Variants in PDE4D observed in about 807,000 individuals in gnomAD.
PDE4D encodes 3',5'-cyclic-AMP phosphodiesterase 4D.
In PDE4D, 24 loss-of-function variants were observed where a neutral mutation model predicts 87.4. The observed-to-expected ratio is 0.27, with a 90% CI of 0.20 to 0.39. The LOEUF (loss-of-function observed/expected upper bound fraction) is 0.39, where lower values mean the gene tolerates loss of function less well. Among genes scored for constraint, PDE4D ranks in the 10% least tolerant of loss-of-function variants. PDE4D has a pLI of 1.00. For synonymous variants in PDE4D, 384 were observed against 383.2 expected (o/e 1.00, Z -0.02); for missense variants, 714 against 1,041.0 (o/e 0.69, Z 4.32).
intron 2 of PDE4D, among the ~76,000 whole-genome samples, chr5:60,162,448 C>G (rs1243051016): frequency 1.3e-5 from 2 of 151,976 alleles, no homozygotes; most frequent in African/African-American, 2.4e-5. Context: ...TTGCTTTGAG[C>G]CATTTGCTTT....
chr5:59,238,684 T>G (rs1214001685), intron 1 of PDE4D, among the ~76,000 whole-genome samples: 1 of 152,142 alleles, frequency 6.6e-6, no homozygotes, highest in African/African-American at 2.4e-5. Context: ...TTATCCCTTT[T>G]GAGTACCACA....
intron 1 of PDE4D, chr5:60,430,695 C>A (rs977262772): frequency 3.8e-6 from 1 of 261,574 alleles, no homozygotes; most frequent in Non-Finnish European, 7.1e-6. Context: ...TGCGGCCTTC[C>A]GCAGTGTTTG....
chr5:60,030,415 AGT>A (rs1252616556), intron 2 of PDE4D, among the ~76,000 whole-genome samples: 1 of 152,144 alleles, frequency 6.6e-6, no homozygotes, highest in African/African-American at 2.4e-5. Context: ...GCGCCACTGC[AGT>A]CCGCAGTCCG....
At chr5:59,343,465 T>C (rs1370581870) in intron 1 of PDE4D, among the ~76,000 whole-genome samples, 1 of 152,154 alleles carries the variant, frequency 6.6e-6, no homozygotes, top group Non-Finnish European at 1.5e-5. Flanking sequence ...AAGAACAATG[T>C]TAGCAAAAGG....
chr5:60,460,737 C>T, intron 1 of PDE4D: 1 of 711,648 alleles, frequency 1.4e-6, no homozygotes, highest in Non-Finnish European at 2.4e-6. Context: ...ATTTGGGGGC[C>T]ATGCTGCTAG....
At chr5:59,850,845 A>G (rs1269469187) in intron 1 of PDE4D, among the ~76,000 whole-genome samples, 1 of 152,068 alleles carries the variant, frequency 6.6e-6, no homozygotes, top group Non-Finnish European at 1.5e-5. Flanking sequence ...GGCAGTGGGC[A>G]TGACAGAGAA....
chr5:60,260,410 T>A (rs910036698), intron 1 of PDE4D, among the ~76,000 whole-genome samples: 1 of 152,070 alleles, frequency 6.6e-6, no homozygotes, highest in African/African-American at 2.4e-5. Flanking sequence ...AATCACATAT[T>A]TTGGATATTA....
chr5:59,181,775 T>A (rs1428177129), intron 4 of PDE4D, among the ~76,000 whole-genome samples: 8 of 152,072 alleles, frequency 5.3e-5, no homozygotes. Context: ...AGAACTTGTT[T>A]TAAGTAACGA....
At chr5:59,190,005 C>CA (rs1324393776) in intron 3 of PDE4D, among the ~76,000 whole-genome samples, 15 of 152,128 alleles carry the variant, frequency 9.9e-5, no homozygotes. Context: ...TTAGCCTGGC[C>CA]AAAAAAGTGC....
chr5:58,980,648 C>G (rs1744892411), intron 11 of PDE4D, among the ~76,000 whole-genome samples: 2 of 149,118 alleles, frequency 1.3e-5, no homozygotes, highest in Admixed American at 1.4e-4. Flanking sequence ...GGCAGGAAGA[C>G]CACTTTTGTG....
At chr5:59,278,691 A>C (rs1049447281) in intron 1 of PDE4D, among the ~76,000 whole-genome samples, 2 of 152,092 alleles carry the variant, frequency 1.3e-5, no homozygotes, top group African/African-American at 4.8e-5. Context: ...ACTGAATATA[A>C]AAGGTAACTT....
In PDE4D at chr5:60,180,521, G is replaced by A. The variant is rs146739479; in HGVS notation, c.42+5036C>T. Among the ~76,000 whole-genome samples, 738 of 152,158 alleles carry A rather than the reference G, an allele frequency of 4.9e-3. 6 individuals are homozygous for A. The highest frequency in any genetic ancestry group is 7.6e-3 in the Non-Finnish European group (515 of 67,984). ...AAATGGGATACAGTTAGGTGATCAG[G>A]GTTAGGGAGACAGGGTGGTGAAATA... On this transcript the variant is annotated intron_variant, in intron 2 of 16. Transcript: ENST00000502484.
At chr5:59,006,109 G>A (rs966058633) in intron 6 of PDE4D, among the ~76,000 whole-genome samples, 11 of 152,154 alleles carry the variant, frequency 7.2e-5, no homozygotes, top group African/African-American at 1.9e-4. Context: ...TAATGATGAC[G>A]ACACATTCAG....
rs573481422 is a variant in PDE4D at position 59,044,239 on chromosome 5, A to T, written c.809-5268T>A. On this transcript the variant is annotated intron_variant, in intron 5 of 14. Transcript: ENST00000340635. ...CCTGTTGTTTCCTGACTTTTTAATG[A>T]TTGCCATTCTAACTGGTGTGAGATG... Among the ~76,000 whole-genome samples the T allele has an allele frequency of 5.9e-5, 9 of 152,264 alleles. No homozygotes were observed. In the East Asian group the frequency reaches 1.7e-3, roughly 29 times the overall value.
intron 1 of PDE4D, among the ~76,000 whole-genome samples, chr5:60,471,178 G>T (rs571824988): frequency 1.3e-5 from 2 of 152,224 alleles, no homozygotes; most frequent in East Asian, 3.9e-4. Flanking sequence ...AAGATTTTAG[G>T]GGAGGAAGTC....
chr5:60,304,487 T>A (rs1326430614), intron 1 of PDE4D, among the ~76,000 whole-genome samples: 1 of 148,134 alleles, frequency 6.8e-6, no homozygotes, highest in East Asian at 2.0e-4. Context: ...CTACTAAAAA[T>A]ACAAAAAATT....
chr5:59,890,768 C>T (rs923444004), intron 1 of PDE4D, among the ~76,000 whole-genome samples: 1 of 152,204 alleles, frequency 6.6e-6, no homozygotes, highest in Non-Finnish European at 1.5e-5. Flanking sequence ...TCTTCTGGGG[C>T]TCAGCATTCT....
chr5:60,124,471 T>C (rs77310202), intron 2 of PDE4D, among the ~76,000 whole-genome samples: 1 of 151,940 alleles, frequency 6.6e-6, no homozygotes, highest in East Asian at 1.9e-4. Context: ...AAAAAAATAA[T>C]AGCAAATCAG....
intron 5 of PDE4D, among the ~76,000 whole-genome samples, chr5:59,075,118 A>G (rs1042436284): frequency 5.4e-5 from 8 of 147,814 alleles, no homozygotes; most frequent in African/African-American, 2.0e-4. Flanking sequence ...ACACACACAC[A>G]CACACAATTT....
Sources: gnomAD v4.1 joint callset for allele counts (sites outside exome capture counted in the v4.1 genomes callset) on GRCh38, gnomAD v4.1.1 for gene constraint, MANE v1.5 for transcripts, NCBI Gene and HGNC (gene_info 2026-07-23, HGNC 2026-07-21) for gene names.